Variants in TTC39B observed in about 807,000 individuals in gnomAD.
TTC39B encodes tetratricopeptide repeat protein 39B.
TTC39B carries 92 observed loss-of-function variants against 96.6 expected under a neutral mutation model. The observed-to-expected ratio is 0.95, with a 90% CI of 0.80 to 1.13. The LOEUF is 1.13. Ranked by LOEUF, TTC39B falls within the 50% of genes most tolerant of loss-of-function variation. TTC39B has a pLI of 0.00. For missense variants in TTC39B, 955 were observed against 809.3 expected (o/e 1.18, Z -2.18); for synonymous variants, 367 against 299.4 (o/e 1.23, Z -2.33).
At position 15,187,954 on chromosome 9, in the gene TTC39B, A is replaced by G. The variant is rs780647276; in HGVS notation, c.1395+17T>C. 1 of 1,543,970 alleles carries G rather than the reference A, an allele frequency of 6.5e-7. No individual in the cohort carries two copies. The highest frequency in any genetic ancestry group is 8.7e-7 in the Non-Finnish European group (1 of 1,146,044). ...TATTAGCAAACAGATGACATTAATG[A>G]AAGTATTGCACTTTACCTTGGACCA... On this transcript the variant is annotated intron_variant, in intron 14 of 19. Transcript: ENST00000512701.
At chr9:15,207,983 CAAAAAAA>C (rs531829809) in intron 6 of TTC39B, among the ~76,000 whole-genome samples, 23,472 of 84,702 alleles carry the variant, frequency 0.28, 2,217 homozygotes, top group Middle Eastern at 0.36. Flanking sequence ...GACTTGGTCT[CAAAAAAA>C]AAAAAAAAAA....
At chr9:15,239,461 C>T (rs573985346) in intron 2 of TTC39B, among the ~76,000 whole-genome samples, 5 of 152,316 alleles carry the variant, frequency 3.3e-5, no homozygotes, top group South Asian at 4.1e-4. Flanking sequence ...AAGATTCCTG[C>T]ACTCATATGT....
At position 15,233,212 on chromosome 9, in the gene TTC39B, A is replaced by T. The variant is rs147539719; in HGVS notation, c.276-7200T>A. Among the ~76,000 whole-genome samples, 645 of 152,178 alleles carry T rather than the reference A, an allele frequency of 4.2e-3. 4 individuals carry two copies. Among genetic ancestry groups the T allele is most frequent in the African/African-American group, 0.014 (588 of 41,528 alleles). ...GACGGCTAGGTCCTCCGTGAGAGAAAACTGGTTCGAGAAGCATGGCCAACA... is the reference window on the plus strand; with the variant it reads ...GACGGCTAGGTCCTCCGTGAGAGAATACTGGTTCGAGAAGCATGGCCAACA... On this transcript the variant is annotated intron_variant, in intron 2 of 19. Coordinates refer to ENST00000512701, the Ensembl canonical transcript of TTC39B.
intron 2 of TTC39B, among the ~76,000 whole-genome samples, chr9:15,266,078 A>G (rs770605276): frequency 1.3e-5 from 2 of 152,190 alleles, no homozygotes; most frequent in Middle Eastern, 3.2e-3. Flanking sequence ...TAACAATAAT[A>G]TATCCATATT....
intron 1 of TTC39B, among the ~76,000 whole-genome samples, chr9:15,294,152 G>A (rs1447345753): frequency 6.6e-6 from 1 of 152,108 alleles, no homozygotes; most frequent in Non-Finnish European, 1.5e-5. Flanking sequence ...GATTTTAAGA[G>A]GCAAGGCGAA....
At chr9:15,254,847 A>ACG (rs1394932987) in intron 2 of TTC39B, among the ~76,000 whole-genome samples, 1 of 142,038 alleles carries the variant, frequency 7.0e-6, no homozygotes, top group Non-Finnish European at 1.5e-5. Context: ...ACACACACAC[A>ACG]CACACACACA....
chr9:15,267,033 C>G (rs866302512), intron 2 of TTC39B, among the ~76,000 whole-genome samples: 4 of 152,086 alleles, frequency 2.6e-5, no homozygotes, highest in Admixed American at 6.5e-5. Flanking sequence ...GAGCCGAGAT[C>G]GTGCCACTGC....
At chr9:15,210,148 T>C (rs769961089) in exon 6 of TTC39B, 9 of 1,602,914 alleles carry the variant, frequency 5.6e-6, no homozygotes, top group Admixed American at 1.7e-5. Context: ...TCTACAACTG[T>C]GTATTTTTTC....
intron 2 of TTC39B, among the ~76,000 whole-genome samples, chr9:15,239,429 G>C (rs1821936239): frequency 6.6e-6 from 1 of 152,100 alleles, no homozygotes. Context: ...CTACCCAAAG[G>C]AAAAGAAATC....
intron 8 of TTC39B, among the ~76,000 whole-genome samples, chr9:15,198,958 C>G (rs1390308890): frequency 6.6e-6 from 1 of 152,086 alleles, no homozygotes; most frequent in Non-Finnish European, 1.5e-5. Context: ...AGAGACATTT[C>G]AAGATGATGA....
At chr9:15,197,594 A>T (rs555650056) in intron 8 of TTC39B, among the ~76,000 whole-genome samples, 1 of 152,334 alleles carries the variant, frequency 6.6e-6, no homozygotes, top group African/African-American at 2.4e-5. Flanking sequence ...GAAGGGAAAA[A>T]AGTAGGAGTC....
chr9:15,188,225 G>A (rs181085003), intron 13 of TTC39B, 93 bp from the exon 14 acceptor site: 1 of 1,308,568 alleles, frequency 7.6e-7, no homozygotes, highest in Admixed American at 2.5e-5. Flanking sequence ...AGTACAAAAA[G>A]GACAAAATTA....
At chr9:15,304,047 G>C (rs757837373) in intron 1 of TTC39B, among the ~76,000 whole-genome samples, 4 of 152,074 alleles carry the variant, frequency 2.6e-5, no homozygotes, top group Non-Finnish European at 5.9e-5. Flanking sequence ...AATCTTAATT[G>C]AATTAAATAA....
chr9:15,230,414 C>T (rs1218953720), intron 2 of TTC39B, among the ~76,000 whole-genome samples: 3 of 152,148 alleles, frequency 2.0e-5, no homozygotes, highest in Admixed American at 2.0e-4. Context: ...CCTAAACAAC[C>T]ACTAATCTAC....
intron 1 of TTC39B, among the ~76,000 whole-genome samples, chr9:15,285,066 C>T (rs529981819): frequency 6.6e-6 from 1 of 152,154 alleles, no homozygotes; most frequent in South Asian, 2.1e-4. Context: ...TCGAGACCAT[C>T]CTGGCTAACA....
At chr9:15,209,713 T>C (rs989877223) in intron 6 of TTC39B, among the ~76,000 whole-genome samples, 1 of 152,114 alleles carries the variant, frequency 6.6e-6, no homozygotes, top group African/African-American at 2.4e-5. Context: ...AAAAGCCAAG[T>C]AAAGTACAGT....
intron 2 of TTC39B, among the ~76,000 whole-genome samples, chr9:15,259,413 T>C (rs1822867858): frequency 6.6e-6 from 1 of 152,206 alleles, no homozygotes; most frequent in Non-Finnish European, 1.5e-5. Flanking sequence ...ATTAAAAAGT[T>C]AAACATAGGT....
At chr9:15,258,424 A>G (rs1365162370) in intron 2 of TTC39B, among the ~76,000 whole-genome samples, 1 of 152,202 alleles carries the variant, frequency 6.6e-6, no homozygotes, top group Non-Finnish European at 1.5e-5. Flanking sequence ...GGAGGTGGAT[A>G]CCAAGAGTTC....
chr9:15,245,771 T>C (rs1822244738), intron 2 of TTC39B, among the ~76,000 whole-genome samples: 2 of 152,190 alleles, frequency 1.3e-5, no homozygotes, highest in African/African-American at 2.4e-5. Flanking sequence ...AAGAAATCCA[T>C]CCATACCACT....
Sources: allele counts gnomAD v4.1 joint callset (sites outside exome capture counted in the v4.1 genomes callset), GRCh38; gene constraint gnomAD v4.1.1; transcripts MANE v1.5; gene names NCBI Gene and HGNC (gene_info 2026-07-23, HGNC 2026-07-21).